Variants in CFHR5 observed in about 807,000 individuals in gnomAD.
CFHR5 encodes the protein complement factor H-related protein 5.
CFHR5 carries 73 observed loss-of-function variants against 62.9 expected under a neutral mutation model. The ratio of observed to expected loss-of-function variants is 1.16; its 90% CI spans 0.96 to 1.41. CFHR5 has a LOEUF of 1.41. Among genes scored for constraint, CFHR5 ranks in the 40% most tolerant of loss-of-function variants. CFHR5 has a pLI of 0.00. For synonymous variants in CFHR5, 249 were observed against 227.2 expected, an observed-to-expected ratio of 1.10 and a Z score of -0.86; for missense variants, 779 against 679.9, an observed-to-expected ratio of 1.15 and a Z score of -1.62.
intron 6 of CFHR5, among the ~76,000 whole-genome samples, chr1:196,997,281 G>A (rs1485281994): frequency 1.3e-5 from 2 of 152,148 alleles, no homozygotes; most frequent in East Asian, 3.9e-4. Flanking sequence ...CCAGGAGCCA[G>A]AACGCTGTTA....
chr1:196,981,309 T>C (rs1323024375), intron 1 of CFHR5, among the ~76,000 whole-genome samples: 1 of 152,024 alleles, frequency 6.6e-6, no homozygotes, highest in East Asian at 1.9e-4. Flanking sequence ...ATCAAATCCA[T>C]AGAATGTACA....
intron 3 of CFHR5, among the ~76,000 whole-genome samples, chr1:196,985,328 G>A (rs1399389739): frequency 6.6e-6 from 1 of 152,060 alleles, no homozygotes; most frequent in East Asian, 1.9e-4. Flanking sequence ...GCAACAAAGT[G>A]AGACCCTTCC....
intron 3 of CFHR5, among the ~76,000 whole-genome samples, chr1:196,990,687 C>T (rs1156517216): frequency 3.3e-5 from 5 of 152,152 alleles, no homozygotes; most frequent in South Asian, 2.1e-4. Flanking sequence ...TTAGGAATGT[C>T]GAATATTGGC....
chr1:197,008,609 A>G lies in CFHR5; in HGVS notation c.1636A>G (p.Lys546Glu). The change falls in exon 10 of 10, where the codon AAA becomes GAA. Residue 546 changes from lysine (K) to glutamate (E), a missense_variant. Lys to Glu is a moderately conservative substitution (Grantham distance 56, BLOSUM62 1). Coordinates refer to ENST00000256785, the MANE Select transcript of CFHR5 (RefSeq NM_030787.4). ...AVEFQCKFPH[K>E]AMISSPPFRA... ...TGAATTCCAGTGTAAATTCCCACAT[A>G]AAGCGATGATATCATCACCACCATT... 6.2e-7 allele frequency: 1 copy of G among 1,613,842 alleles called. No homozygotes were observed. Among genetic ancestry groups the G allele is most frequent in the South Asian group, 1.1e-5 (1 of 91,078 alleles).
intron 1 of CFHR5, among the ~76,000 whole-genome samples, chr1:196,980,290 C>T (rs1310641146): frequency 6.6e-6 from 1 of 151,934 alleles, no homozygotes; most frequent in Non-Finnish European, 1.5e-5. Flanking sequence ...ATAATGATAA[C>T]AACTATAGTA....
At position 196,978,009 on chromosome 1, in the gene CFHR5, C is replaced by T. The variant is rs12731209; in HGVS notation, c.58+287C>T. 0.2 allele frequency among the ~76,000 whole-genome samples: 29,761 copies of T among 151,970 alleles called. 5,263 individuals are homozygous for T. The highest frequency in any genetic ancestry group is 0.48 in the African/African-American group (19,785 of 41,402). ...AGAAAATCTGCTATAATAAAGATGA[C>T]AAGGTGAAATATTAGTGTAATTCTG... On this transcript the variant is annotated intron_variant, in intron 1 of 9. Transcript: ENST00000256785.
intron 3 of CFHR5, among the ~76,000 whole-genome samples, chr1:196,989,791 T>C (rs1653792678): frequency 6.6e-6 from 1 of 152,188 alleles, no homozygotes; most frequent in African/African-American, 2.4e-5. Flanking sequence ...TACTTCCAAC[T>C]ATGTGGTCAA....
chr1:197,002,905 T>A (rs1654191015), intron 8 of CFHR5, among the ~76,000 whole-genome samples: 1 of 152,192 alleles, frequency 6.6e-6, no homozygotes, highest in African/African-American at 2.4e-5. Flanking sequence ...TCTATCATAT[T>A]TTTACTGTAC....
At chr1:196,998,351 A>G (rs771598432) in intron 7 of CFHR5, 47 bp downstream of exon 7, 1 of 1,438,718 alleles carries the variant, frequency 7.0e-7, no homozygotes, top group Non-Finnish European at 9.7e-7. Context: ...CTTCTTTACA[A>G]GAAAAATTAT....
At chr1:197,001,881 G>GAAGTTTTCT (rs1654163113) in intron 7 of CFHR5, among the ~76,000 whole-genome samples, 2 of 152,124 alleles carry the variant, frequency 1.3e-5, no homozygotes, top group Admixed American at 1.3e-4. Context: ...AGGAGGTTTA[G>GAAGTTTTCT]AAAACGCTTT....
upstream of CFHR5, among the ~76,000 whole-genome samples, chr1:196,977,281 A>G (rs1052331748): frequency 2.1e-5 from 3 of 140,350 alleles, no homozygotes; most frequent in Non-Finnish European, 4.5e-5. Context: ...AAACAGCTGA[A>G]CCCTTGGCTA....
Position 197,009,009 on chromosome 1 carries a change from C to A in CFHR5, c.*326C>A. 1 of 245,410 alleles carries A rather than the reference C, an allele frequency of 4.1e-6. No homozygotes were observed. The allele number at this position is 245,410 out of a possible 1,614,324, so 15.2% of individuals were successfully genotyped here. On this transcript the variant is annotated 3_prime_UTR_variant, in exon 10 of 10. Transcript: ENST00000256785. ...TGGGGCTGCCTCTGGTGAGGGTCTT[C>A]TCGAAGCATCATAATATGCTGGAAG...
intron 8 of CFHR5, 129 bp downstream of exon 8, chr1:197,002,793 G>C (rs769409502): frequency 1.1e-5 from 8 of 736,320 alleles, no homozygotes; most frequent in Non-Finnish European, 1.8e-5. Context: ...AAATTGCTAA[G>C]TAACCAATTC....
At chr1:196,983,609 G>T (rs189946287) in intron 2 of CFHR5, among the ~76,000 whole-genome samples, 1 of 152,258 alleles carries the variant, frequency 6.6e-6, no homozygotes, top group East Asian at 1.9e-4. Flanking sequence ...AGAGAGAATA[G>T]ATGAGGCAAC....
chr1:197,002,236 G>C (rs916138299), intron 7 of CFHR5, among the ~76,000 whole-genome samples: 2 of 152,094 alleles, frequency 1.3e-5, no homozygotes, highest in Non-Finnish European at 2.9e-5. Flanking sequence ...AGATACAAGA[G>C]AGCATCTGAA....
At chr1:196,997,079 T>C (rs1188737553) in intron 6 of CFHR5, among the ~76,000 whole-genome samples, 1 of 152,064 alleles carries the variant, frequency 6.6e-6, no homozygotes. Flanking sequence ...AAGCAGACTT[T>C]CCGCCGCTGT....
rs1274624040 is a variant in CFHR5 at position 196,991,571 on chromosome 1, G to A, written c.431-2509G>A. 3.3e-5 allele frequency among the ~76,000 whole-genome samples: 5 copies of A among 152,124 alleles called. No individual in the cohort carries two copies. The South Asian group carries it at 1.0e-3, about 32-fold the overall frequency. ...TTTTGTTGTGGATGTCCTTTTTGTG[G>A]ATGTTGATGCTATTTCTTTCGTTTT... On this transcript the variant is annotated intron_variant, in intron 3 of 9. Transcript: ENST00000256785.
At position 196,982,953 on chromosome 1, in the gene CFHR5, T is replaced by A; in HGVS notation, c.127T>A (p.Ser43Thr). The change falls in exon 2 of 10, where the codon TCC becomes ACC. Residue 43 changes from serine (S) to threonine (T), a missense_variant. By Grantham distance (58) the Ser-to-Thr change is moderately conservative (BLOSUM62 1). Transcript: ENST00000256785. ...LYDEEDYNPFSQVPTGEVFYY... is the reference protein window; with the variant it reads ...LYDEEDYNPFTQVPTGEVFYY... ...TGATGAAGAAGATTATAACCCTTTT[T>A]CCCAAGTTCCTACAGGGGAAGTTTT... 1 of 1,614,130 alleles carries A rather than the reference T, an allele frequency of 6.2e-7. No homozygotes were observed. Among genetic ancestry groups the A allele is most frequent in the South Asian group, 1.1e-5 (1 of 91,042 alleles).
At chr1:196,991,260 C>T (rs1653841626) in intron 3 of CFHR5, among the ~76,000 whole-genome samples, 1 of 152,076 alleles carries the variant, frequency 6.6e-6, no homozygotes, top group Non-Finnish European at 1.5e-5. Flanking sequence ...AGTTAGCCAT[C>T]CATCTAATCT....
Sources: gnomAD v4.1 joint callset for allele counts (sites outside exome capture counted in the v4.1 genomes callset) on GRCh38, gnomAD v4.1.1 for gene constraint, MANE v1.5 for transcripts, NCBI Gene and HGNC (gene_info 2026-07-23, HGNC 2026-07-21) for gene names.